Variants in INPP4B observed in about 807,000 individuals in gnomAD.
The protein encoded by INPP4B is inositol polyphosphate-4-phosphatase type II B, also known as inositol polyphosphate 4-phosphatase type II.
Under a neutral mutation model 122.5 loss-of-function variants are expected in INPP4B, and 55 were observed. The ratio of observed to expected loss-of-function variants is 0.45; its 90% CI spans 0.36 to 0.56. The LOEUF (loss-of-function observed/expected upper bound fraction) is 0.56, where lower values mean the gene tolerates loss of function less well. Ranked by LOEUF, INPP4B falls within the 20% of genes least tolerant of loss-of-function variation. The probability of loss-of-function intolerance (pLI) is 0.00; values close to 1 mark genes in which losing one functional copy is unlikely to be tolerated. For missense variants in INPP4B, 1,000 were observed against 1,097.7 expected, an observed-to-expected ratio of 0.91 and a Z score of 1.26; for synonymous variants, 403 against 388.7, an observed-to-expected ratio of 1.04 and a Z score of -0.43.
intron 2 of INPP4B, among the ~76,000 whole-genome samples, chr4:142,692,912 T>C (rs996365594): frequency 3.6e-5 from 5 of 137,172 alleles, no homozygotes; most frequent in Non-Finnish European, 7.9e-5. Context: ...TAGGCTAGTC[T>C]CTATAGATAG....
chr4:142,792,909 A>G (rs1055146319), intron 1 of INPP4B, among the ~76,000 whole-genome samples: 1 of 152,110 alleles, frequency 6.6e-6, no homozygotes, highest in Non-Finnish European at 1.5e-5. Context: ...GGATTGGGCC[A>G]TGTAAGGTTC....
chr4:142,698,566 T>C (rs561190217), intron 2 of INPP4B, among the ~76,000 whole-genome samples: 13 of 152,324 alleles, frequency 8.5e-5, no homozygotes, highest in Non-Finnish European at 1.6e-4. Context: ...TCCCATTCTG[T>C]GTCCAACAAT....
intron 25 of INPP4B, among the ~76,000 whole-genome samples, chr4:142,061,675 C>T (rs2152436762): frequency 6.6e-6 from 1 of 151,590 alleles, no homozygotes; most frequent in Non-Finnish European, 1.5e-5. Context: ...TCTCAGGAGT[C>T]ACAACGATTG....
chr4:142,316,130 C>A (rs776626036), intron 7 of INPP4B, among the ~76,000 whole-genome samples: 1 of 152,154 alleles, frequency 6.6e-6, no homozygotes, highest in East Asian at 1.9e-4. Context: ...CCAGCACTAT[C>A]GCTTGCACAA....
intron 1 of INPP4B, among the ~76,000 whole-genome samples, chr4:142,794,843 T>C (rs924147606): frequency 6.6e-6 from 1 of 151,920 alleles, no homozygotes; most frequent in South Asian, 2.1e-4. Context: ...AGCAAATTGG[T>C]ATTATGCAGT....
intron 21 of INPP4B, 142 bp downstream of exon 21, chr4:142,121,986 G>A (rs940774965): frequency 4.9e-6 from 3 of 607,676 alleles, no homozygotes; most frequent in Non-Finnish European, 5.8e-6. Context: ...TATCATCCAT[G>A]TGTATTTCTT....
chr4:142,452,911 T>TA (rs145675840), intron 3 of INPP4B, among the ~76,000 whole-genome samples: 5,927 of 150,170 alleles, frequency 0.039, 240 homozygotes, highest in African/African-American at 0.087. Context: ...AACAACGGTT[T>TA]AAAAAAAAAA....
chr4:142,080,677 A>G (rs1043476671), intron 25 of INPP4B, among the ~76,000 whole-genome samples: 4 of 152,046 alleles, frequency 2.6e-5, no homozygotes, highest in African/African-American at 9.7e-5. Context: ...TGTCTAATTT[A>G]AGGGTCCCCT....
chr4:142,799,705 C>T lies in INPP4B; in HGVS notation c.-254+46504G>A, dbSNP rs529409705. ...TCTCCACATATTTTCCCTGTATATA[C>T]TATACATAGTGTGTTTTTAATAGTG... is the stretch of plus-strand genomic sequence containing the variant. On this transcript the variant is annotated intron_variant, in intron 1 of 25. Transcript: ENST00000262992. Among the ~76,000 whole-genome samples the T allele has an allele frequency of 4.6e-5, 7 of 151,912 alleles. No individual in the cohort carries two copies. The South Asian group carries it at 1.2e-3, about 27-fold the overall frequency.
At chr4:142,710,961 T>A (rs1580752318) in intron 2 of INPP4B, among the ~76,000 whole-genome samples, 1 of 152,286 alleles carries the variant, frequency 6.6e-6, no homozygotes, top group Admixed American at 6.5e-5. Context: ...ACTCTTCAAA[T>A]CCTGGCACTT....
chr4:142,271,435 A>T (rs561657662), intron 9 of INPP4B, among the ~76,000 whole-genome samples: 2 of 152,310 alleles, frequency 1.3e-5, no homozygotes, highest in African/African-American at 4.8e-5. Flanking sequence ...ATCTATACTA[A>T]CTGCATGAGA....
At chr4:142,124,798 A>C (rs753998226) in intron 18 of INPP4B, 38 bp from the exon 19 acceptor site, 1 of 1,410,394 alleles carries the variant, frequency 7.1e-7, no homozygotes, top group Non-Finnish European at 9.4e-7. Flanking sequence ...CAATAGATGA[A>C]GGAAGGTCTT....
At chr4:142,437,918 C>T (rs774152048) in intron 3 of INPP4B, among the ~76,000 whole-genome samples, 6 of 152,222 alleles carry the variant, frequency 3.9e-5, no homozygotes, top group Middle Eastern at 3.4e-3. Flanking sequence ...CAGGATCAGA[C>T]AGATTCACAG....
intron 25 of INPP4B, among the ~76,000 whole-genome samples, chr4:142,057,285 A>G (rs1758201917): frequency 6.6e-6 from 1 of 152,024 alleles, no homozygotes; most frequent in South Asian, 2.1e-4. Flanking sequence ...TTTCTGCAGT[A>G]TTTTATCTGT....
chr4:142,495,857 G>C (rs1409612972), intron 2 of INPP4B, among the ~76,000 whole-genome samples: 1 of 152,112 alleles, frequency 6.6e-6, no homozygotes, highest in Non-Finnish European at 1.5e-5. Context: ...AAACATTGCT[G>C]ATCTCTTTCT....
chr4:142,287,310 A>G (rs933841919), intron 9 of INPP4B: 5 of 152,238 alleles, frequency 3.3e-5, no homozygotes, highest in Non-Finnish European at 7.3e-5. Flanking sequence ...AGTCCCAAAA[A>G]GTTTATTTTA....
At chr4:142,399,289 C>T (rs867679871) in intron 7 of INPP4B, among the ~76,000 whole-genome samples, 1 of 146,876 alleles carries the variant, frequency 6.8e-6, no homozygotes, top group African/African-American at 2.5e-5. Flanking sequence ...CTCTGCCTCC[C>T]AAGTTCAAGA....
intron 2 of INPP4B, among the ~76,000 whole-genome samples, chr4:142,695,374 G>A (rs113454763): frequency 0.011 from 1,746 of 152,174 alleles, 23 homozygotes; most frequent in African/African-American, 0.038. Context: ...AAATTGAATA[G>A]CAATTTTGTT....
At chr4:142,577,678 G>A (rs537714349) in intron 2 of INPP4B, among the ~76,000 whole-genome samples, 1 of 151,936 alleles carries the variant, frequency 6.6e-6, no homozygotes, top group Non-Finnish European at 1.5e-5. Context: ...TGTAAAAGGG[G>A]CATAATATAT....
Sources: gnomAD v4.1 joint callset for allele counts (sites outside exome capture counted in the v4.1 genomes callset) on GRCh38, gnomAD v4.1.1 for gene constraint, MANE v1.5 for transcripts, NCBI Gene and HGNC (gene_info 2026-07-23, HGNC 2026-07-21) for gene names.